Variants in PDZD2 observed in about 807,000 individuals in gnomAD.
PDZD2 encodes the protein PDZ domain containing 2.
In PDZD2, 90 loss-of-function variants were observed where a neutral mutation model predicts 220.7. The ratio of observed to expected loss-of-function variants is 0.41; its 90% CI spans 0.34 to 0.49. The LOEUF (loss-of-function observed/expected upper bound fraction) is 0.49. Ranked by LOEUF, PDZD2 falls within the 20% of genes least tolerant of loss-of-function variation. The probability of loss-of-function intolerance (pLI) is 0.28; values close to 1 mark genes in which losing one functional copy is unlikely to be tolerated. For missense variants in PDZD2, 3,174 were observed against 3,608.5 expected (o/e 0.88, Z 3.08); for synonymous variants, 1,375 against 1,450.5 (o/e 0.95, Z 1.18).
intron 3 of PDZD2, among the ~76,000 whole-genome samples, chr5:31,986,325 G>A (rs547804917): frequency 6.2e-4 from 95 of 152,198 alleles, no homozygotes; most frequent in African/African-American, 2.0e-3. Context: ...TTCATATTCT[G>A]ATTTTTGGCC....
At chr5:31,829,971 C>A (rs1756465201) in intron 2 of PDZD2, among the ~76,000 whole-genome samples, 1 of 151,980 alleles carries the variant, frequency 6.6e-6, no homozygotes, top group African/African-American at 2.4e-5. Context: ...TCGCTTGAAC[C>A]TAGGAGTCAG....
rs1297161744 is a variant in PDZD2, at chr5:31,859,004, C to T, written c.476+59280C>T. Among the ~76,000 whole-genome samples the T allele has an allele frequency of 3.3e-5, 5 of 152,114 alleles. No individual in the cohort carries two copies. The East Asian group carries it at 5.8e-4, about 18-fold the overall frequency. On this transcript the variant is annotated intron_variant, in intron 2 of 24. Transcript: ENST00000438447. Reference sequence around the variant, plus strand: ...TGCTGGGATTACAGATGTGAGCCCCCGAGCCCAGCCAAGGTTTTTGCATTT... The same window carrying T: ...TGCTGGGATTACAGATGTGAGCCCCTGAGCCCAGCCAAGGTTTTTGCATTT...
At chr5:32,102,930 C>G (rs888573507) in intron 24 of PDZD2, among the ~76,000 whole-genome samples, 5 of 152,130 alleles carry the variant, frequency 3.3e-5, no homozygotes, top group African/African-American at 1.2e-4. Flanking sequence ...AATGCACATA[C>G]ACCCTCATTA....
intron 5 of PDZD2, among the ~76,000 whole-genome samples, chr5:32,008,873 C>T (rs10940992): frequency 0.25 from 37,866 of 152,004 alleles, 5,110 homozygotes; most frequent in Admixed American, 0.29. Flanking sequence ...AAGCCTTGCC[C>T]GCGTGGGCCT....
At chr5:31,664,066 T>C (rs1745884912) in intron 1 of PDZD2, among the ~76,000 whole-genome samples, 1 of 152,232 alleles carries the variant, frequency 6.6e-6, no homozygotes, top group African/African-American at 2.4e-5. Context: ...TCTCTTACTG[T>C]CTAGAGAACA....
intron 2 of PDZD2, among the ~76,000 whole-genome samples, chr5:31,883,276 A>G (rs1467749223): frequency 5.5e-5 from 7 of 128,298 alleles, no homozygotes; most frequent in African/African-American, 1.8e-4. Context: ...GCTGGAGTGC[A>G]GTGGCACAAT....
At chr5:31,876,188 C>A (rs1283369976) in intron 2 of PDZD2, among the ~76,000 whole-genome samples, 2 of 151,754 alleles carry the variant, frequency 1.3e-5, no homozygotes, top group Admixed American at 6.6e-5. Flanking sequence ...TATGTACTTT[C>A]TAGTTTTGGT....
At chr5:31,930,770 C>T (rs562594398) in intron 2 of PDZD2, among the ~76,000 whole-genome samples, 36 of 151,978 alleles carry the variant, frequency 2.4e-4, no homozygotes, top group Non-Finnish European at 4.3e-4. Context: ...TTGGCATGCC[C>T]TAAAAAACCC....
chr5:32,041,923 A>C (rs1305391379), intron 7 of PDZD2, among the ~76,000 whole-genome samples: 2 of 142,844 alleles, frequency 1.4e-5, no homozygotes, highest in Admixed American at 7.0e-5. Context: ...AAAAAAAAAA[A>C]AAACATCAAT....
chr5:32,059,743 T>C (rs1739500491), intron 13 of PDZD2, among the ~76,000 whole-genome samples: 1 of 152,232 alleles, frequency 6.6e-6, no homozygotes, highest in Non-Finnish European at 1.5e-5. Context: ...AATCACTTGA[T>C]GCCAAACAGT....
intron 2 of PDZD2, among the ~76,000 whole-genome samples, chr5:31,896,627 T>C (rs75002808): frequency 1.3e-5 from 2 of 152,186 alleles, no homozygotes; most frequent in Admixed American, 6.5e-5. Context: ...TCTTTAGAGA[T>C]ACATACGAAT....
intron 2 of PDZD2, among the ~76,000 whole-genome samples, chr5:31,951,344 A>G (rs746689348): frequency 3.3e-5 from 5 of 152,196 alleles, no homozygotes; most frequent in Non-Finnish European, 7.3e-5. Context: ...GTGGATCTAC[A>G]GGGTTGAGCC....
At chr5:32,058,428 G>A (rs949316564) in intron 12 of PDZD2, among the ~76,000 whole-genome samples, 22 of 151,658 alleles carry the variant, frequency 1.5e-4, no homozygotes, top group Non-Finnish European at 2.8e-4. Flanking sequence ...TAGCACTTTG[G>A]GAAGCCGAGG....
intron 2 of PDZD2, among the ~76,000 whole-genome samples, chr5:31,806,526 G>A (rs188490029): frequency 6.6e-6 from 1 of 152,258 alleles, no homozygotes; most frequent in African/African-American, 2.4e-5. Flanking sequence ...AACTTCTAGA[G>A]AACTTTCTGG....
chr5:31,680,518 T>TA (rs113378698), intron 1 of PDZD2, among the ~76,000 whole-genome samples: 3,283 of 149,630 alleles, frequency 0.022, 119 homozygotes, highest in African/African-American at 0.075. Context: ...GAAGCCAATT[T>TA]AAAAAAAAAA....
At chr5:31,831,911 C>CAAAA (rs56394577) in intron 2 of PDZD2, among the ~76,000 whole-genome samples, 1,412 of 63,706 alleles carry the variant, frequency 0.022, 149 homozygotes, top group African/African-American at 0.091. Context: ...GAGACTGTTT[C>CAAAA]AAAAAAAAAA....
intron 2 of PDZD2, among the ~76,000 whole-genome samples, chr5:31,842,166 T>G (rs1413082427): frequency 1.3e-5 from 2 of 152,204 alleles, no homozygotes; most frequent in African/African-American, 2.4e-5. Context: ...AAACTACCAG[T>G]TCTCCTCCAT....
chr5:31,767,708 G>A (rs1395753883), intron 1 of PDZD2, among the ~76,000 whole-genome samples: 1 of 152,158 alleles, frequency 6.6e-6, no homozygotes, highest in African/African-American at 2.4e-5. Flanking sequence ...CAATATTGAT[G>A]GGGCCTGCAG....
intron 2 of PDZD2, among the ~76,000 whole-genome samples, chr5:31,911,244 G>A (rs1743177226): frequency 6.6e-6 from 1 of 152,204 alleles, no homozygotes; most frequent in South Asian, 2.1e-4. Flanking sequence ...GTACTAGGCT[G>A]TTGACATATT....
Sources: allele counts gnomAD v4.1 joint callset (sites outside exome capture counted in the v4.1 genomes callset), GRCh38; gene constraint gnomAD v4.1.1; transcripts MANE v1.5; gene names NCBI Gene and HGNC (gene_info 2026-07-23, HGNC 2026-07-21).